Variants in NSD1 observed in about 807,000 individuals in gnomAD.
The protein encoded by NSD1 is histone-lysine N-methyltransferase, H3 lysine-36 specific.
Under a neutral mutation model 242.7 loss-of-function variants are expected in NSD1, and 26 were observed. The ratio of observed to expected loss-of-function variants is 0.11; its 90% CI spans 0.08 to 0.15. The LOEUF (loss-of-function observed/expected upper bound fraction) is 0.15, where lower values mean the gene tolerates loss of function less well. NSD1 is among the 10% of genes least tolerant of loss of function. The pLI, the probability that NSD1 is intolerant of heterozygous loss-of-function variation, is 1.00. For missense variants in NSD1, 2,495 were observed against 3,272.8 expected (o/e 0.76, Z 5.80); for synonymous variants, 1,106 against 1,178.1 (o/e 0.94, Z 1.25).
At chr5:177,286,223 A>C (rs1759317190) in intron 20 of NSD1, among the ~76,000 whole-genome samples, 1 of 152,296 alleles carries the variant, frequency 6.6e-6, no homozygotes, top group African/African-American at 2.4e-5. Context: ...TCTACAATTT[A>C]AATGTGTTGT....
At position 177,269,419 on chromosome 5, in the gene NSD1, A is replaced by G. The variant is rs75441502; in HGVS notation, c.5304-183A>G. On this transcript the variant is annotated intron_variant, in intron 15 of 22. Transcript: ENST00000439151. This position sits in a 1 kb window ranked among gnomAD's most constrained non-coding sequence, Gnocchi z 5.1. Reference sequence around the variant, plus strand: ...CGCGCCTGTGTGGGAATGTGGGCAGATGTTTTCCAGCTTCTAGCACATACG... The same window carrying G: ...CGCGCCTGTGTGGGAATGTGGGCAGGTGTTTTCCAGCTTCTAGCACATACG... Among the ~76,000 whole-genome samples the G allele has an allele frequency of 0.049, 7,410 of 152,244 alleles. 201 individuals are homozygous for G. Among genetic ancestry groups the G allele is most frequent in the South Asian group, 0.082 (395 of 4,828 alleles).
chr5:177,254,024 G>A lies in NSD1; in HGVS notation c.4765+2171G>A, dbSNP rs114349571. ...GGCTCGAGTGCAATGGCGCAGTCTC[G>A]GCAACCTCCGCCTCCTGGGTTCAAG... On this transcript the variant is annotated intron_variant, in intron 12 of 22. Coordinates refer to ENST00000439151, the MANE Select transcript of NSD1 (RefSeq NM_022455.5). Among the ~76,000 whole-genome samples, 1,207 of 151,898 alleles carry A rather than the reference G, an allele frequency of 7.9e-3. 19 individuals carry two copies. The highest frequency in any genetic ancestry group is 0.024 in the African/African-American group (1,013 of 41,416).
chr5:177,282,298 A>G (rs894338261), intron 18 of NSD1, among the ~76,000 whole-genome samples, 167 bp from the exon 19 acceptor site: 2 of 152,164 alleles, frequency 1.3e-5, no homozygotes, highest in Non-Finnish European at 2.9e-5. Context: ...GGTGTTTCTC[A>G]TTATCAAATA....
At chr5:177,218,482 A>T (rs1392536793) in intron 5 of NSD1, among the ~76,000 whole-genome samples, 2 of 151,172 alleles carry the variant, frequency 1.3e-5, no homozygotes, top group African/African-American at 2.4e-5. Context: ...TATTCTGTTA[A>T]TGTGCTGTAT....
intron 12 of NSD1, among the ~76,000 whole-genome samples, chr5:177,254,493 G>C (rs979802074): frequency 5.3e-5 from 8 of 152,050 alleles, no homozygotes; most frequent in Non-Finnish European, 7.4e-5. Flanking sequence ...TCCACCTCCT[G>C]GGTTCAAGCG....
rs148112060 is a variant in NSD1 at position 177,238,503 on chromosome 5, G to A, written c.4188G>A (p.Thr1396=). ...AGTCTGAGGAATTGCTAGTTAAAACGCCAGGTAAGGTGGGGTTGGGGTCTC... is the reference window on the plus strand; with the variant it reads ...AGTCTGAGGAATTGCTAGTTAAAACACCAGGTAAGGTGGGGTTGGGGTCTC... ...ALESEELLVK[T]PGNYESKRQR... The change falls in exon 7 of 23, where the codon ACG becomes ACA. Residue 1396 remains threonine (T), a synonymous_variant. Transcript: ENST00000439151. The surrounding 1 kb of genome is among the most constrained non-coding windows in gnomAD (Gnocchi z 4.6). 11 of 1,612,778 alleles carry A rather than the reference G, an allele frequency of 6.8e-6. No homozygotes were observed. Among genetic ancestry groups the A allele is most frequent in the African/African-American group, 5.3e-5 (4 of 74,910 alleles).
At chr5:177,157,851 CAT>C (rs1433595542) in intron 2 of NSD1, among the ~76,000 whole-genome samples, 2 of 152,222 alleles carry the variant, frequency 1.3e-5, no homozygotes, top group African/African-American at 4.8e-5. Flanking sequence ...CAAATACAGT[CAT>C]ATAATTTGTG....
At chr5:177,251,483 C>T (rs540650300) in intron 11 of NSD1, among the ~76,000 whole-genome samples, 8 of 152,244 alleles carry the variant, frequency 5.3e-5, no homozygotes, top group Non-Finnish European at 1.2e-4. Context: ...CTCTTGAACT[C>T]GTTTTCCATG....
At chr5:177,233,948 A>G (rs763444059) in intron 5 of NSD1, among the ~76,000 whole-genome samples, 7 of 152,166 alleles carry the variant, frequency 4.6e-5, no homozygotes, top group Non-Finnish European at 1.0e-4. Flanking sequence ...GAATAGATGT[A>G]TGGGTGTGAA....
chr5:177,180,645 ATC>A (rs1315655711), intron 2 of NSD1, among the ~76,000 whole-genome samples: 1 of 151,998 alleles, frequency 6.6e-6, no homozygotes, highest in Non-Finnish European at 1.5e-5. Flanking sequence ...GTGTCCTGGT[ATC>A]TCTTGTTTTT....
upstream of NSD1, chr5:177,133,726 C>T (rs1184644240): frequency 3.4e-5 from 5 of 146,088 alleles, no homozygotes; most frequent in African/African-American, 1.3e-4. The surrounding 1 kb of genome is among the most constrained non-coding windows in gnomAD (Gnocchi z 6.2). Context: ...GGCGCTCGGT[C>T]GCACGCGCGG....
At chr5:177,270,760 A>G (rs1757883955) in intron 16 of NSD1, among the ~76,000 whole-genome samples, 1 of 152,252 alleles carries the variant, frequency 6.6e-6, no homozygotes, top group African/African-American at 2.4e-5. Context: ...CTTCCTGGTT[A>G]GGGAATGGGA....
rs751194525 is a variant in NSD1, at chr5:177,246,711, G to A, written c.4412G>A (p.Arg1471Gln). The change falls in exon 10 of 23, where the codon CGA becomes CAA. Residue 1471 changes from arginine to glutamine, a missense_variant. Physicochemically the swap from Arg to Gln is conservative, Grantham distance 43. Coordinates refer to ENST00000439151, the MANE Select transcript of NSD1 (RefSeq NM_022455.5). ...AAGATATTTGACAAGCCAAGGAAGC[G>A]AAAACGACAGAGGCATGCTGCAGCC... Reference protein sequence around the residue: ...TTKIFDKPRKRKRQRHAAAKM... With the variant: ...TTKIFDKPRKQKRQRHAAAKM... The A allele has an allele frequency of 9.9e-6, 16 of 1,613,840 alleles. No homozygotes were observed. The East Asian group carries it at 1.3e-4, about 13-fold the overall frequency.
rs558442202 is a variant in NSD1 at position 177,241,068 on chromosome 5, A to T, written c.4302+1203A>T. On this transcript the variant is annotated intron_variant, in intron 8 of 22. Coordinates refer to ENST00000439151, the MANE Select transcript of NSD1 (RefSeq NM_022455.5). Reference sequence around the variant, plus strand: ...TTTTGTGTGCCCCATGGACACAAAGATGTTCTCCCTGTGTTTTAGGAGTTT... The same window carrying T: ...TTTTGTGTGCCCCATGGACACAAAGTTGTTCTCCCTGTGTTTTAGGAGTTT... 6.0e-4 allele frequency among the ~76,000 whole-genome samples: 91 copies of T among 152,252 alleles called. 1 individual carries two copies. The South Asian group carries it at 0.018, about 30-fold the overall frequency.
chr5:177,166,816 A>C (rs1405083704), intron 2 of NSD1, among the ~76,000 whole-genome samples: 1 of 146,324 alleles, frequency 6.8e-6, no homozygotes, highest in Non-Finnish European at 1.5e-5. Flanking sequence ...ATCTCGGCTC[A>C]CTGACATGGC....
intron 14 of NSD1, chr5:177,265,263 G>A: frequency 1.6e-5 from 11 of 704,384 alleles, no homozygotes; most frequent in South Asian, 1.5e-4. Flanking sequence ...AAAAATAAAA[G>A]ACCTCTGGAC....
intron 10 of NSD1, 52 bp from the exon 11 acceptor site, chr5:177,248,129 A>G: frequency 1.2e-6 from 2 of 1,608,916 alleles, no homozygotes; most frequent in Non-Finnish European, 1.7e-6. Context: ...AGGGGGTCAA[A>G]TGGAAGAGAC....
intron 2 of NSD1, among the ~76,000 whole-genome samples, chr5:177,185,809 ATT>A (rs1288533643): frequency 3.6e-4 from 31 of 85,452 alleles, no homozygotes; most frequent in South Asian, 8.5e-4. Flanking sequence ...ATATATATAA[ATT>A]TATATATATA....
chr5:177,282,316 A>G (rs1758955173), intron 18 of NSD1, 149 bp from the exon 19 acceptor site: 10 of 734,218 alleles, frequency 1.4e-5, no homozygotes, highest in Non-Finnish European at 2.5e-5. Context: ...ATAGTTGGGG[A>G]TCGTAAAGTA....
Sources: allele counts gnomAD v4.1 joint callset (sites outside exome capture counted in the v4.1 genomes callset), GRCh38; gene constraint gnomAD v4.1.1; non-coding constraint Gnocchi (gnomAD v3.1); transcripts MANE v1.5; gene names NCBI Gene and HGNC (gene_info 2026-07-23, HGNC 2026-07-21).